The following JPH3 variants were observed in gnomAD, a reference collection of about 807,000 sequenced individuals.
JPH3 encodes junctophilin-3.
A neutral mutation model predicts 59.6 loss-of-function variants in JPH3; 11 were observed. The observed-to-expected ratio is 0.18, with a 90% CI of 0.12 to 0.31. The LOEUF is 0.31. Among genes scored for constraint, JPH3 ranks in the 10% least tolerant of loss-of-function variants. JPH3 has a pLI of 1.00. For synonymous variants in JPH3, 673 were observed against 483.6 expected (o/e 1.39, Z -5.14); for missense variants, 1,202 against 1,105.7 (o/e 1.09, Z -1.24).
chr16:87,645,578 TG>T (rs1567596947), intron 2 of JPH3, among the ~76,000 whole-genome samples: 2 of 152,138 alleles, frequency 1.3e-5, no homozygotes, highest in Non-Finnish European at 2.9e-5. Context: ...CCTGGTGCTT[TG>T]GGGGCAGCCG....
At position 87,662,643 on chromosome 16, in the gene JPH3, C is replaced by T. The variant is rs1041090578; in HGVS notation, c.1160+17608C>T. On this transcript the variant is annotated intron_variant, in intron 2 of 4. Coordinates refer to ENST00000284262, the MANE Select transcript of JPH3 (RefSeq NM_020655.4). ...CTCCAGAGTCTGTCCCGGCCATGGA[C>T]CCCAGTCCCCGCTGAGCCATGCGGA... Among the ~76,000 whole-genome samples the T allele has an allele frequency of 3.9e-5, 6 of 152,342 alleles. No individual in the cohort carries two copies. The South Asian group carries it at 1.0e-3, about 26-fold the overall frequency.
chr16:87,668,039 T>A (rs1036888961), intron 2 of JPH3, among the ~76,000 whole-genome samples: 5 of 152,212 alleles, frequency 3.3e-5, no homozygotes, highest in Non-Finnish European at 7.4e-5. Context: ...TTCGTCGATC[T>A]GGCTGGTTTG....
In JPH3 at chr16:87,690,033, C is replaced by T. The variant is rs1179793264; in HGVS notation, c.1673C>T (p.Thr558Ile). 5.2e-6 allele frequency: 8 copies of T among 1,546,804 alleles called. No homozygotes were observed. The highest frequency in any genetic ancestry group is 7.0e-6 in the Non-Finnish European group (8 of 1,145,382). The change falls in exon 4 of 5, where the codon ACC becomes ATC. Residue 558 changes from threonine (T) to isoleucine (I), a missense_variant. Thr to Ile is a moderately conservative substitution (Grantham distance 89). Transcript: ENST00000284262. ...RGGLLVDDFR[T>I]RGSGRKQPGN... ...GGCCTGCTCGTGGATGACTTCCGCACCCGAGGTTCGGGCCGCAAGCAGCCC... is the reference window on the plus strand; with the variant it reads ...GGCCTGCTCGTGGATGACTTCCGCATCCGAGGTTCGGGCCGCAAGCAGCCC...
rs902804930 is a variant in JPH3 at position 87,687,767 on chromosome 16, C to T, written c.1286-1879C>T. On this transcript the variant is annotated intron_variant, in intron 3 of 4. Coordinates refer to ENST00000284262, the MANE Select transcript of JPH3 (RefSeq NM_020655.4). ...GTGCTGGGAGTCGGGGCCCCTCTAG[C>T]GTGGGGTCTCCTGGGCCAGCCAGGC... 4.6e-5 allele frequency among the ~76,000 whole-genome samples: 7 copies of T among 152,196 alleles called. No homozygotes were observed. In the South Asian group the frequency reaches 6.2e-4, roughly 14 times the overall value.
chr16:87,627,505 C>G (rs1473046931), intron 1 of JPH3, among the ~76,000 whole-genome samples: 1 of 152,128 alleles, frequency 6.6e-6, no homozygotes, highest in Non-Finnish European at 1.5e-5. Flanking sequence ...AAGTGCAGAC[C>G]CGTTCCTCCC....
intron 1 of JPH3, among the ~76,000 whole-genome samples, chr16:87,618,423 A>C (rs1354340065): frequency 1.3e-5 from 2 of 152,176 alleles, no homozygotes; most frequent in Admixed American, 6.5e-5. Context: ...CCTTGTGGCA[A>C]ACACCTCATC....
At chr16:87,670,712 C>T (rs1201897998) in intron 2 of JPH3, among the ~76,000 whole-genome samples, 6 of 152,248 alleles carry the variant, frequency 3.9e-5, no homozygotes, top group South Asian at 2.1e-4. Context: ...TGAAAAACCA[C>T]GGAAGTACAT....
intron 1 of JPH3, among the ~76,000 whole-genome samples, chr16:87,640,644 C>A (rs979374550): frequency 1.3e-5 from 2 of 152,096 alleles, no homozygotes; most frequent in African/African-American, 4.8e-5. Context: ...CTGCTCGCCT[C>A]GGCCTCCCAA....
chr16:87,682,948 A>T (rs1341236338), intron 2 of JPH3, among the ~76,000 whole-genome samples: 1 of 152,252 alleles, frequency 6.6e-6, no homozygotes, highest in East Asian at 1.9e-4. Flanking sequence ...CTTGTCTTAC[A>T]AAGGGTGGGC....
intron 1 of JPH3, among the ~76,000 whole-genome samples, chr16:87,618,876 G>T (rs543327217): frequency 6.6e-6 from 1 of 152,280 alleles, no homozygotes; most frequent in South Asian, 2.1e-4. Context: ...ATCACCTGAG[G>T]CCAGGAGTTT....
intron 2 of JPH3, among the ~76,000 whole-genome samples, chr16:87,664,888 C>T (rs1188067037): frequency 1.3e-5 from 2 of 152,170 alleles, no homozygotes; most frequent in African/African-American, 4.8e-5. Flanking sequence ...GTCATGAGGA[C>T]CCAGGTCACC....
intron 2 of JPH3, among the ~76,000 whole-genome samples, chr16:87,665,963 C>T (rs1009268134): frequency 6.6e-6 from 1 of 152,242 alleles, no homozygotes; most frequent in African/African-American, 2.4e-5. Flanking sequence ...GCAGCTGGCA[C>T]CTCCTCACCA....
At chr16:87,630,709 C>T (rs1168474856) in intron 1 of JPH3, among the ~76,000 whole-genome samples, 1 of 152,174 alleles carries the variant, frequency 6.6e-6, no homozygotes, top group Admixed American at 6.5e-5. Flanking sequence ...GAGCAAAAAT[C>T]ATGTGTGTCT....
At chr16:87,696,084 C>G (rs367864947) in intron 4 of JPH3, 11 of 456,860 alleles carry the variant, frequency 2.4e-5, no homozygotes, top group Admixed American at 9.4e-5. Flanking sequence ...GTTGAGGACA[C>G]TGTGCTCACG....
intron 1 of JPH3, among the ~76,000 whole-genome samples, chr16:87,635,964 C>T (rs988407228): frequency 6.6e-6 from 1 of 152,218 alleles, no homozygotes; most frequent in Non-Finnish European, 1.5e-5. Flanking sequence ...TCCGGGGCCC[C>T]AGGGCCAGGG....
Position 87,696,761 on chromosome 16 carries a change from C to A in JPH3, c.*101C>A. 1 of 912,318 alleles carries A rather than the reference C, an allele frequency of 1.1e-6. No homozygotes were observed. The highest frequency in any genetic ancestry group is 1.8e-6 in the Non-Finnish European group (1 of 570,162). 56.5% of individuals were successfully genotyped at this position (912,318 alleles called of 1,614,324 possible). A position where few individuals can be genotyped will look rare whatever the true frequency, so the allele number is the denominator to read the frequency against. On this transcript the variant is annotated 3_prime_UTR_variant, in exon 5 of 5. Transcript: ENST00000284262. Reference sequence around the variant, plus strand: ...GGGAAAGACCGCAACTCGGACAGCCCAGCGACTTCCAAGTCCTCTCACAGA... The same window carrying A: ...GGGAAAGACCGCAACTCGGACAGCCAAGCGACTTCCAAGTCCTCTCACAGA...
intron 1 of JPH3, among the ~76,000 whole-genome samples, chr16:87,608,586 C>A (rs1314050932): frequency 6.6e-6 from 1 of 152,170 alleles, no homozygotes; most frequent in Admixed American, 6.5e-5. Context: ...GAGAGGCAGT[C>A]CCTTCAGCAC....
intron 2 of JPH3, among the ~76,000 whole-genome samples, chr16:87,663,551 C>T (rs931754442): frequency 3.2e-4 from 48 of 152,332 alleles, no homozygotes; most frequent in African/African-American, 1.2e-3. Flanking sequence ...TGAGATTTCA[C>T]CCACCAGAAG....
At chr16:87,631,939 G>T (rs2031577881) in intron 1 of JPH3, among the ~76,000 whole-genome samples, 1 of 151,708 alleles carries the variant, frequency 6.6e-6, no homozygotes, top group Non-Finnish European at 1.5e-5. Flanking sequence ...TTAAATTCTG[G>T]TCCCTCGATG....
Sources: allele counts gnomAD v4.1 joint callset (sites outside exome capture counted in the v4.1 genomes callset), GRCh38; gene constraint gnomAD v4.1.1; transcripts MANE v1.5; gene names NCBI Gene and HGNC (gene_info 2026-07-23, HGNC 2026-07-21).